The following IQSEC1 variants were observed in gnomAD, a reference collection of about 807,000 sequenced individuals.
IQSEC1 encodes IQ motif and SEC7 domain-containing protein 1.
A neutral mutation model predicts 91.0 loss-of-function variants in IQSEC1; 31 were observed. The ratio of observed to expected loss-of-function variants is 0.34; its 90% CI spans 0.26 to 0.46. IQSEC1 has a LOEUF of 0.46. Among genes scored for constraint, IQSEC1 ranks in the 20% least tolerant of loss-of-function variants. IQSEC1 has a pLI of 1.00. For synonymous variants in IQSEC1, 699 were observed against 662.6 expected, an observed-to-expected ratio of 1.05 and a Z score of -0.84; for missense variants, 1,388 against 1,575.6, an observed-to-expected ratio of 0.88 and a Z score of 2.02.
rs917581940 is a variant in IQSEC1 at position 12,914,771 on chromosome 3, T to C, written c.2190+333A>G. 5.3e-5 allele frequency among the ~76,000 whole-genome samples: 8 copies of C among 151,542 alleles called. No homozygotes were observed. In the South Asian group the frequency reaches 8.4e-4, roughly 16 times the overall value. ...CACTGGGAGAGCCTGGGGCATGGGA[T>C]GTGGGGGACAGAGCACAGAGCAGGG... On this transcript the variant is annotated intron_variant, in intron 8 of 13. Coordinates refer to ENST00000613206, the MANE Select transcript of IQSEC1 (RefSeq NM_001134382.3).
intron 1 of IQSEC1, among the ~76,000 whole-genome samples, chr3:13,233,833 T>C (rs1694875109): frequency 6.6e-6 from 1 of 152,128 alleles, no homozygotes; most frequent in Non-Finnish European, 1.5e-5. Flanking sequence ...TCACATGTGG[T>C]ATGGCCTTGG....
rs535885819 is a variant in IQSEC1, at chr3:13,198,674, C to T, written c.273-34541G>A. 3.9e-5 allele frequency among the ~76,000 whole-genome samples: 6 copies of T among 152,306 alleles called. No individual in the cohort carries two copies. In the East Asian group the frequency reaches 5.8e-4, roughly 15 times the overall value. ...TTCCAGCTCTCATGCCGGCTGGCTG[C>T]GTCCTCTTACACACCATGTGACCAT... On this transcript the variant is annotated intron_variant, in intron 1 of 15. Coordinates refer to the IQSEC1 transcript ENST00000648114.
At chr3:12,921,396 G>A (rs898143382) in intron 5 of IQSEC1, among the ~76,000 whole-genome samples, 1 of 152,190 alleles carries the variant, frequency 6.6e-6, no homozygotes, top group Non-Finnish European at 1.5e-5. Flanking sequence ...CAGAGGGCTG[G>A]GTCAGCAGCT....
chr3:13,090,628 C>T lies in IQSEC1; in HGVS notation c.303-43106G>A, dbSNP rs184069644. ...CAGGTCCTGGTAGAGGTAGGCCCCA[C>T]GCTGGGCTGAGAGACTCTACAGCCC... On this transcript the variant is annotated intron_variant, in intron 2 of 15. Coordinates refer to the IQSEC1 transcript ENST00000648114. Among the ~76,000 whole-genome samples, 381 of 152,294 alleles carry T rather than the reference C, an allele frequency of 2.5e-3. 2 individuals are homozygous for T. The highest frequency in any genetic ancestry group is 0.018 in the South Asian group (85 of 4,824).
At chr3:13,266,535 G>A (rs143946610) in intron 1 of IQSEC1, among the ~76,000 whole-genome samples, 601 of 151,942 alleles carry the variant, frequency 4.0e-3, no homozygotes, top group South Asian at 6.2e-3. Context: ...CCCACACAGC[G>A]TGCACAGAGC....
intron 2 of IQSEC1, among the ~76,000 whole-genome samples, chr3:13,110,795 C>T (rs924549205): frequency 6.6e-6 from 1 of 152,200 alleles, no homozygotes; most frequent in Non-Finnish European, 1.5e-5. Flanking sequence ...ATGCTCTGCA[C>T]TTCCTGTCAC....
At chr3:13,176,709 C>T (rs1170839896) in intron 1 of IQSEC1, among the ~76,000 whole-genome samples, 2 of 152,206 alleles carry the variant, frequency 1.3e-5, no homozygotes, top group Non-Finnish European at 2.9e-5. Context: ...CAAGGGACGA[C>T]CGGAAACCCA....
At chr3:13,107,184 T>G (rs984886173) in intron 2 of IQSEC1, among the ~76,000 whole-genome samples, 9 of 152,066 alleles carry the variant, frequency 5.9e-5, no homozygotes, top group African/African-American at 1.9e-4. Context: ...CCGAGAGATG[T>G]CTATAGACTG....
intron 1 of IQSEC1, among the ~76,000 whole-genome samples, chr3:13,254,211 C>T (rs1695247630): frequency 6.6e-6 from 1 of 152,244 alleles, no homozygotes; most frequent in Non-Finnish European, 1.5e-5. Flanking sequence ...TGCAGCCTGG[C>T]CTTGGTTTGA....
At chr3:13,024,057 T>C (rs1233007818) in intron 1 of IQSEC1, among the ~76,000 whole-genome samples, 4 of 152,334 alleles carry the variant, frequency 2.6e-5, no homozygotes, top group South Asian at 4.1e-4. Flanking sequence ...TCACTTTTCA[T>C]ACTGGCCTCG....
At chr3:13,012,948 C>T (rs77558175) in intron 1 of IQSEC1, among the ~76,000 whole-genome samples, 8,751 of 141,782 alleles carry the variant, frequency 0.062, 306 homozygotes, top group Non-Finnish European at 0.075. Flanking sequence ...AACAGAAACT[C>T]CCATGAAAGT....
chr3:12,935,498 G>A lies in IQSEC1; in HGVS notation c.1518C>T (p.Asn506=), dbSNP rs74484459. 442 of 1,613,868 alleles carry A rather than the reference G, an allele frequency of 2.7e-4. 1 individual carries two copies. The African/African-American group carries it at 5.3e-3, about 19-fold the overall frequency. The part of the protein sequence containing the change: ...RNSWDSPAFS[N]DVIRKRHYRI... ...GGTAGTGCCTCTTGCGGATGACATC[G>A]TTGCTAAAGGCAGGCGAGTCCCAGC... is the stretch of plus-strand genomic sequence containing the variant. The change falls in exon 3 of 14, where the codon AAC becomes AAT. Residue 506 remains asparagine (N), a synonymous_variant. Coordinates refer to ENST00000613206, the MANE Select transcript of IQSEC1 (RefSeq NM_001134382.3). This position sits in a 1 kb window ranked among gnomAD's most constrained non-coding sequence, Gnocchi z 8.0.
intron 1 of IQSEC1, among the ~76,000 whole-genome samples, chr3:13,252,872 A>T (rs1241404277): frequency 6.6e-6 from 1 of 152,170 alleles, no homozygotes; most frequent in Non-Finnish European, 1.5e-5. Context: ...AGCTGGGACC[A>T]CAGGCACCCG....
chr3:12,994,747 CTGTT>C lies in IQSEC1; in HGVS notation c.24-52886_24-52883del, dbSNP rs965551732. ...TCCCCTCCAGGACACACCCTCCTGACTGTTTGGGGACGGGGTGGGGACCTGGGCC... is the reference window on the plus strand; with the variant it reads ...TCCCCTCCAGGACACACCCTCCTGACTGGGGACGGGGTGGGGACCTGGGCC... On this transcript the variant is annotated intron_variant, in intron 1 of 13. Coordinates refer to ENST00000613206, the MANE Select transcript of IQSEC1 (RefSeq NM_001134382.3). The surrounding 1 kb of genome is among the most constrained non-coding windows in gnomAD (Gnocchi z 4.5). 8.5e-5 allele frequency among the ~76,000 whole-genome samples: 13 copies of C among 152,256 alleles called. No homozygotes were observed. The highest frequency in any genetic ancestry group is 3.9e-4 in the Admixed American group (6 of 15,304).
intron 1 of IQSEC1, among the ~76,000 whole-genome samples, chr3:13,197,995 T>G (rs191529621): frequency 2.0e-5 from 3 of 152,258 alleles, no homozygotes; most frequent in Admixed American, 2.0e-4. Context: ...GGCCTCTCTG[T>G]GGAGAGGACT....
At position 13,085,918 on chromosome 3, in the gene IQSEC1, C is replaced by T. The variant is rs113346148; in HGVS notation, c.303-38396G>A. ...TCCTCACCTGCAGGTGGCTGTCACCCGCTATCCTTACCCAGGGAGGGAATT... is the reference window on the plus strand; with the variant it reads ...TCCTCACCTGCAGGTGGCTGTCACCTGCTATCCTTACCCAGGGAGGGAATT... On this transcript the variant is annotated intron_variant, in intron 2 of 15. Coordinates refer to the IQSEC1 transcript ENST00000648114. Among the ~76,000 whole-genome samples, 399 of 152,344 alleles carry T rather than the reference C, an allele frequency of 2.6e-3. 4 individuals are homozygous for T. Among genetic ancestry groups the T allele is most frequent in the African/African-American group, 8.9e-3 (371 of 41,568 alleles).
At chr3:13,023,890 C>T (rs905863272) in intron 1 of IQSEC1, among the ~76,000 whole-genome samples, 4 of 152,326 alleles carry the variant, frequency 2.6e-5, no homozygotes, top group Non-Finnish European at 4.4e-5. Context: ...CAGCATGCAG[C>T]GGGAGTGGCT....
chr3:13,204,834 C>T (rs1163416266), intron 1 of IQSEC1, among the ~76,000 whole-genome samples: 3 of 138,678 alleles, frequency 2.2e-5, no homozygotes, highest in Non-Finnish European at 4.6e-5. Context: ...GAATTTCACT[C>T]TTGTTGCCCA....
chr3:13,228,927 C>T (rs1449212559), intron 1 of IQSEC1, among the ~76,000 whole-genome samples: 1 of 152,244 alleles, frequency 6.6e-6, no homozygotes, highest in Admixed American at 6.5e-5. Context: ...CTTTTCTCCT[C>T]CTGGCACCTA....
Sources: gnomAD v4.1 joint callset for allele counts (sites outside exome capture counted in the v4.1 genomes callset) on GRCh38, gnomAD v4.1.1 for gene constraint, Gnocchi (gnomAD v3.1) non-coding constraint, MANE v1.5 for transcripts, NCBI Gene and HGNC (gene_info 2026-07-23, HGNC 2026-07-21) for gene names.